The following COL4A3 variants were observed in gnomAD, a reference collection of about 807,000 sequenced individuals.
The protein encoded by COL4A3 is collagen alpha-3(IV) chain.
A neutral mutation model predicts 217.4 loss-of-function variants in COL4A3; 135 were observed. The observed-to-expected ratio is 0.62, with a 90% CI of 0.54 to 0.72. The LOEUF (loss-of-function observed/expected upper bound fraction) is 0.72, where lower values mean the gene tolerates loss of function less well. COL4A3 is among the 30% of genes least tolerant of loss of function. The pLI is 0.00. For missense variants in COL4A3, 1,868 were observed against 2,119.9 expected (o/e 0.88, Z 2.33); for synonymous variants, 690 against 736.3 (o/e 0.94, Z 1.02).
Position 227,284,270 on chromosome 2 carries a change from C to G in COL4A3, c.2806C>G (p.Gln936Glu). The G allele has an allele frequency of 6.2e-7, 1 of 1,614,024 alleles. No individual in the cohort carries two copies. The highest frequency in any genetic ancestry group is 8.5e-7 in the Non-Finnish European group (1 of 1,180,008). ...QRGTPGAKGE[Q>E]GDKGNPGPSE... ...AGGAACCCCAGGAGCCAAGGGGGAA[C>G]AAGGAGATAAAGGAAATCCCGGGCC... is the stretch of plus-strand genomic sequence containing the variant. Residue 936 changes from glutamine (Q) to glutamate (E), a missense_variant, in exon 34 of 52, where the codon CAA (glutamine) becomes GAA (glutamate). Physicochemically the swap from Gln to Glu is conservative, Grantham distance 29. Transcript: ENST00000396578.
intron 43 of COL4A3, among the ~76,000 whole-genome samples, chr2:227,302,250 C>T (rs751327725): frequency 2.6e-5 from 4 of 152,218 alleles, no homozygotes; most frequent in Non-Finnish European, 4.4e-5. Flanking sequence ...ACTCCCATCC[C>T]TAGACATTAC....
intron 3 of COL4A3, 36 bp from the exon 4 acceptor site, chr2:227,244,283 CA>C (rs753288942): frequency 1.2e-6 from 2 of 1,601,038 alleles, no homozygotes; most frequent in Non-Finnish European, 1.7e-6. Context: ...AAATAATTTT[CA>C]GAGTGTTTAC....
Position 227,164,951 on chromosome 2 carries a change from A to T in COL4A3, c.87+138A>T. On this transcript the variant is annotated intron_variant, in intron 1 of 51. Coordinates refer to ENST00000396578, the MANE Select transcript of COL4A3 (RefSeq NM_000091.5). The surrounding 1 kb of genome is among the most constrained non-coding windows in gnomAD (Gnocchi z 4.8). ...AGTGGCGAGGCTGAGGGCTTCACGCAGGTCCCGGGACAGGCAGCGAGCGGA... is the reference window on the plus strand; with the variant it reads ...AGTGGCGAGGCTGAGGGCTTCACGCTGGTCCCGGGACAGGCAGCGAGCGGA... The T allele has an allele frequency of 9.1e-7, 1 of 1,094,824 alleles. No homozygotes were observed. Among genetic ancestry groups the T allele is most frequent in the Non-Finnish European group, 1.2e-6 (1 of 811,436 alleles). The allele number at this position is 1,094,824 out of a possible 1,614,324, so 67.8% of individuals were successfully genotyped here. A position where few individuals can be genotyped will look rare whatever the true frequency, so the allele number is the denominator to read the frequency against.
At chr2:227,224,994 C>T (rs533899527) in intron 1 of COL4A3, among the ~76,000 whole-genome samples, 23 of 152,316 alleles carry the variant, frequency 1.5e-4, no homozygotes, top group Non-Finnish European at 3.2e-4. Flanking sequence ...TCACTGTGGC[C>T]TCAACCTCCT....
At chr2:227,246,792 G>A in intron 7 of COL4A3, 54 bp downstream of exon 7, 1 of 1,450,948 alleles carries the variant, frequency 6.9e-7, no homozygotes, top group Non-Finnish European at 9.7e-7. Context: ...AATAACAGTG[G>A]TCTACTCCAT....
At position 227,251,155 on chromosome 2, in the gene COL4A3, C is replaced by G; in HGVS notation, c.562C>G (p.Pro188Ala). Residue 188 changes from proline (P) to alanine (A), a missense_variant, in exon 10 of 52, where the codon CCA (proline) becomes GCA (alanine). Coordinates refer to ENST00000396578, the MANE Select transcript of COL4A3 (RefSeq NM_000091.5). Reference protein sequence around the residue: ...APGPQGLPGPPGFPGPVGPPG... With the variant: ...APGPQGLPGPAGFPGPVGPPG... ...CAATTTCAAGGGTTTGCCAGGCCCTCCAGGTTTTCCTGGGCCTGTTGGCCC... is the reference window on the plus strand; with the variant it reads ...CAATTTCAAGGGTTTGCCAGGCCCTGCAGGTTTTCCTGGGCCTGTTGGCCC... 6.2e-7 allele frequency: 1 copy of G among 1,613,684 alleles called. No homozygotes were observed. The highest frequency in any genetic ancestry group is 1.1e-5 in the South Asian group (1 of 91,078).
At chr2:227,304,729 A>C (rs2073431450) in intron 46 of COL4A3, among the ~76,000 whole-genome samples, 1 of 152,230 alleles carries the variant, frequency 6.6e-6, no homozygotes. Flanking sequence ...GGAAGAACAT[A>C]AATAAAAATT....
intron 38 of COL4A3, chr2:227,294,043 ACT>A (rs1372447720): frequency 1.4e-5 from 4 of 291,504 alleles, no homozygotes; most frequent in African/African-American, 4.5e-5. Flanking sequence ...CTGTGCTGTG[ACT>A]CTTTTTCGAA....
chr2:227,267,792 G>A (rs1175540843), intron 23 of COL4A3, among the ~76,000 whole-genome samples: 2 of 146,734 alleles, frequency 1.4e-5, no homozygotes, highest in Non-Finnish European at 1.5e-5. Context: ...ATTTTGAAAG[G>A]AAAAAAAAAA....
chr2:227,231,341 A>T (rs934858011), intron 1 of COL4A3, among the ~76,000 whole-genome samples: 5 of 151,602 alleles, frequency 3.3e-5, no homozygotes, highest in African/African-American at 1.2e-4. Context: ...CTGCTATACC[A>T]ATCAGTTTTC....
intron 17 of COL4A3, among the ~76,000 whole-genome samples, chr2:227,256,993 GA>G (rs2070221851): frequency 6.6e-6 from 1 of 152,186 alleles, no homozygotes. Context: ...TTACTGTACT[GA>G]ATAATGTAGG....
intron 1 of COL4A3, among the ~76,000 whole-genome samples, chr2:227,169,542 T>C (rs997173925): frequency 1.3e-5 from 2 of 152,004 alleles, no homozygotes; most frequent in African/African-American, 4.8e-5. Flanking sequence ...CCACATCCTC[T>C]CCAGCACCTG....
chr2:227,248,397 G>A (rs776965001), intron 8 of COL4A3, 46 bp from the exon 9 acceptor site: 1 of 1,263,292 alleles, frequency 7.9e-7, no homozygotes, highest in Non-Finnish European at 1.2e-6. Context: ...AAGGGGTTTT[G>A]AAAATATAAC....
chr2:227,255,803 C>A (rs558884287), intron 15 of COL4A3, among the ~76,000 whole-genome samples: 1 of 152,012 alleles, frequency 6.6e-6, no homozygotes, highest in African/African-American at 2.4e-5. Flanking sequence ...CTCTGACTTT[C>A]TCCAGTTTCC....
intron 3 of COL4A3, among the ~76,000 whole-genome samples, chr2:227,241,599 T>C (rs1266635708): frequency 6.6e-6 from 1 of 152,090 alleles, no homozygotes; most frequent in African/African-American, 2.4e-5. Context: ...GCTTGAGCCC[T>C]GGAGGCGGAG....
intron 1 of COL4A3, among the ~76,000 whole-genome samples, chr2:227,196,664 G>C (rs957674100): frequency 5.3e-5 from 8 of 152,114 alleles, no homozygotes; most frequent in Non-Finnish European, 8.8e-5. Flanking sequence ...TCTATGTTTA[G>C]ATATACAAAC....
chr2:227,243,569 C>A (rs950267100), intron 3 of COL4A3, among the ~76,000 whole-genome samples: 1 of 152,196 alleles, frequency 6.6e-6, no homozygotes, highest in African/African-American at 2.4e-5. Context: ...ACAGTGCAAT[C>A]TCAGAGGATT....
rs1165002055 is a variant in COL4A3 at position 227,203,188 on chromosome 2, TATATATAC to T, written c.88-34773_88-34766del. ...ATGTGTATATATGTGTATATGTGTGTATATATACATATATGTGTATATACACACATATA... is the reference window on the plus strand; with the variant it reads ...ATGTGTATATATGTGTATATGTGTGTATATATGTGTATATACACACATATA... On this transcript the variant is annotated intron_variant, in intron 1 of 51. Transcript: ENST00000396578. Among the ~76,000 whole-genome samples, 151 of 29,830 alleles carry T rather than the reference TATATATAC, an allele frequency of 5.1e-3. 62 individuals are homozygous for T. The highest frequency in any genetic ancestry group is 8.6e-3 in the Admixed American group (21 of 2,456). 19.6% of individuals were successfully genotyped at this position (29,830 alleles called of 152,430 possible).
intron 9 of COL4A3, among the ~76,000 whole-genome samples, chr2:227,248,743 G>A (rs528184043): frequency 2.6e-5 from 4 of 152,254 alleles, no homozygotes; most frequent in African/African-American, 9.6e-5. Flanking sequence ...GATATGCAAA[G>A]ATGATTTGAG....
Sources: gnomAD v4.1 joint callset for allele counts (sites outside exome capture counted in the v4.1 genomes callset) on GRCh38, gnomAD v4.1.1 for gene constraint, Gnocchi (gnomAD v3.1) non-coding constraint, MANE v1.5 for transcripts, NCBI Gene and HGNC (gene_info 2026-07-23, HGNC 2026-07-21) for gene names.